ARHGAP29: variants seen among roughly 807,000 people sequenced by gnomAD.
ARHGAP29 encodes rho GTPase-activating protein 29.
A neutral mutation model predicts 122.6 loss-of-function variants in ARHGAP29; 43 were observed. The ratio of observed to expected loss-of-function variants is 0.35; its 90% CI spans 0.27 to 0.45. ARHGAP29 has a LOEUF of 0.45. Ranked by LOEUF, ARHGAP29 falls within the 20% of genes least tolerant of loss-of-function variation. The pLI, the probability that ARHGAP29 is intolerant of heterozygous loss-of-function variation, is 1.00. For missense variants in ARHGAP29, 1,303 were observed against 1,477.2 expected, an observed-to-expected ratio of 0.88 and a Z score of 1.93; for synonymous variants, 506 against 497.1, an observed-to-expected ratio of 1.02 and a Z score of -0.24.
At chr1:94,275,819 T>C (rs1655165645), upstream of ARHGAP29, among the ~76,000 whole-genome samples, 1 of 152,160 alleles carries the variant, frequency 6.6e-6, no homozygotes, top group African/African-American at 2.4e-5. Flanking sequence ...ATTTCTTGAT[T>C]ATGCTTTAAA....
intron 12 of ARHGAP29, chr1:94,191,759 T>C (rs1402439754): frequency 6.6e-6 from 1 of 152,204 alleles, no homozygotes; most frequent in South Asian, 2.1e-4. Flanking sequence ...AGGATCTGTG[T>C]TGAAACCCAA....
intron 1 of ARHGAP29, among the ~76,000 whole-genome samples, chr1:94,265,731 G>A (rs1654746362): frequency 2.0e-5 from 3 of 152,204 alleles, no homozygotes; most frequent in Non-Finnish European, 4.4e-5. Flanking sequence ...CCAGACTCCA[G>A]TGACTTTTTC....
intron 2 of ARHGAP29, among the ~76,000 whole-genome samples, chr1:94,223,105 A>G (rs946056075): frequency 1.8e-4 from 27 of 151,960 alleles, no homozygotes; most frequent in East Asian, 3.9e-4. Context: ...CACCACACCC[A>G]GCTAATTTTT....
At chr1:94,204,981 T>C in intron 7 of ARHGAP29, 80 bp downstream of exon 7, 1 of 1,312,612 alleles carries the variant, frequency 7.6e-7, no homozygotes, top group Non-Finnish European at 1.0e-6. Context: ...TGGAATTCTA[T>C]TACTCATAAT....
intron 3 of ARHGAP29, among the ~76,000 whole-genome samples, chr1:94,212,294 G>GA (rs566340894): frequency 1.3e-4 from 19 of 151,848 alleles, no homozygotes; most frequent in Non-Finnish European, 2.5e-4. Flanking sequence ...GAATAAAAAT[G>GA]AAAAAAACAA....
the ARHGAP29 span, among the ~76,000 whole-genome samples, chr1:94,303,303 G>T: frequency 6.6e-6 from 1 of 152,204 alleles, no homozygotes; most frequent in South Asian, 2.1e-4. Context: ...AGTGAAATAT[G>T]CTAGTCACAA....
the ARHGAP29 span, among the ~76,000 whole-genome samples, chr1:94,280,563 T>C: frequency 2.0e-5 from 3 of 152,164 alleles, no homozygotes; most frequent in Non-Finnish European, 4.4e-5. Context: ...ATAGAATTTC[T>C]AAAGGAGGAG....
chr1:94,302,091 C>A, the ARHGAP29 span: 1 of 277,952 alleles, frequency 3.6e-6, no homozygotes, highest in South Asian at 4.6e-5. Flanking sequence ...GGCACCTGGT[C>A]ACCACGGCTG....
chr1:94,181,658 G>A (rs1225613796), intron 19 of ARHGAP29, among the ~76,000 whole-genome samples: 1 of 152,082 alleles, frequency 6.6e-6, no homozygotes, highest in African/African-American at 2.4e-5. Flanking sequence ...AAGACTTCTT[G>A]TGTTCAAGAG....
At chr1:94,305,801 C>T in the ARHGAP29 span, among the ~76,000 whole-genome samples, 1 of 152,204 alleles carries the variant, frequency 6.6e-6, no homozygotes, top group Non-Finnish European at 1.5e-5. Flanking sequence ...GCTAAGAATA[C>T]ATTGATGGTT....
chr1:94,272,761 G>C (rs1357103871), intron 1 of ARHGAP29, among the ~76,000 whole-genome samples: 2 of 152,130 alleles, frequency 1.3e-5, no homozygotes, highest in East Asian at 3.9e-4. Context: ...CAGTCTGAAG[G>C]CTCTTCCCAC....
At chr1:94,186,351 T>C (rs774713132) in intron 16 of ARHGAP29, 148 bp downstream of exon 16, 1 of 533,240 alleles carries the variant, frequency 1.9e-6, no homozygotes, top group Non-Finnish European at 3.3e-6. Context: ...TATATATAAT[T>C]GTTGGGATAT....
chr1:94,184,733 AAC>A (rs1649689667), intron 18 of ARHGAP29, 137 bp downstream of exon 18: 5 of 701,488 alleles, frequency 7.1e-6, no homozygotes, highest in Non-Finnish European at 1.1e-5. Flanking sequence ...CAGCCTGGGC[AAC>A]AGAGTGAGAC....
At chr1:94,195,959 T>C (rs1650425673) in intron 12 of ARHGAP29, 1 of 152,212 alleles carries the variant, frequency 6.6e-6, no homozygotes, top group Non-Finnish European at 1.5e-5. Context: ...TTAATAATTG[T>C]TACTGTGTAA....
chr1:94,270,910 A>G (rs1386964960), intron 1 of ARHGAP29, among the ~76,000 whole-genome samples: 1 of 152,260 alleles, frequency 6.6e-6, no homozygotes, highest in Non-Finnish European at 1.5e-5. Context: ...CTATTGCTGC[A>G]TTACAAATTA....
intron 1 of ARHGAP29, among the ~76,000 whole-genome samples, chr1:94,244,867 C>T (rs1653730465): frequency 1.3e-5 from 2 of 151,950 alleles, no homozygotes; most frequent in South Asian, 4.2e-4. Context: ...GAATTTGTAA[C>T]CAAATATATC....
upstream of ARHGAP29, among the ~76,000 whole-genome samples, chr1:94,277,354 A>G (rs1157648748): frequency 6.6e-6 from 1 of 152,156 alleles, no homozygotes; most frequent in Non-Finnish European, 1.5e-5. Context: ...TGAAAGGCAG[A>G]TTTGTCATGG....
intron 12 of ARHGAP29, chr1:94,195,331 T>C (rs1474038485): frequency 2.0e-5 from 3 of 152,364 alleles, no homozygotes; most frequent in Non-Finnish European, 2.9e-5. Flanking sequence ...GCAAGCAATA[T>C]TCAGTTTATG....
chr1:94,189,077 T>C, intron 14 of ARHGAP29, 136 bp from the exon 15 acceptor site: 1 of 1,345,658 alleles, frequency 7.4e-7, no homozygotes, highest in South Asian at 1.4e-5. Flanking sequence ...GGCACCATGG[T>C]AACAACTGTG....
Sources: gnomAD v4.1 joint callset for allele counts (sites outside exome capture counted in the v4.1 genomes callset) on GRCh38, gnomAD v4.1.1 for gene constraint, MANE v1.5 for transcripts, NCBI Gene and HGNC (gene_info 2026-07-23, HGNC 2026-07-21) for gene names.